Variants in RBFOX1 observed in about 807,000 individuals in gnomAD.
RBFOX1 encodes the protein RNA binding fox-1 homolog 1, also known as RNA binding protein fox-1 homolog 1.
A neutral mutation model predicts 57.7 loss-of-function variants in RBFOX1; 8 were observed. That is an observed-to-expected ratio of 0.14 (90% CI 0.08 to 0.25). The LOEUF (loss-of-function observed/expected upper bound fraction) is 0.25. RBFOX1 is among the 10% of genes least tolerant of loss of function. RBFOX1 has a pLI of 1.00. For synonymous variants in RBFOX1, 326 were observed against 222.4 expected, an observed-to-expected ratio of 1.47 and a Z score of -4.15; for missense variants, 611 against 548.5, an observed-to-expected ratio of 1.11 and a Z score of -1.14.
chr16:7,014,566 C>T (rs991464612), intron 3 of RBFOX1, among the ~76,000 whole-genome samples: 4 of 151,812 alleles, frequency 2.6e-5, no homozygotes, highest in African/African-American at 7.3e-5. Flanking sequence ...GACACTGCAC[C>T]CCGTCTTAAA....
At chr16:6,995,497 G>A (rs72776233) in intron 3 of RBFOX1, among the ~76,000 whole-genome samples, 3 of 152,198 alleles carry the variant, frequency 2.0e-5, no homozygotes, top group Admixed American at 6.5e-5. Context: ...GGGTGTGGTG[G>A]CTCACGCATG....
chr16:6,026,461 C>A (rs1313735714), intron 1 of RBFOX1, among the ~76,000 whole-genome samples: 2 of 152,222 alleles, frequency 1.3e-5, no homozygotes, highest in Non-Finnish European at 2.9e-5. Context: ...AGATTTTGAA[C>A]CTGACAGTCT....
At chr16:6,839,044 C>T (rs2093307927) in intron 3 of RBFOX1, among the ~76,000 whole-genome samples, 2 of 151,634 alleles carry the variant, frequency 1.3e-5, no homozygotes, top group Admixed American at 6.6e-5. Flanking sequence ...GAGTGCAGTG[C>T]TGTGATCTTG....
intron 4 of RBFOX1, among the ~76,000 whole-genome samples, chr16:6,003,553 C>A (rs978868671): frequency 3.3e-5 from 5 of 151,908 alleles, no homozygotes; most frequent in African/African-American, 1.2e-4. Flanking sequence ...ATTGCTCCAC[C>A]CCTGCGGTAC....
chr16:7,355,947 A>G (rs769714760), intron 4 of RBFOX1, among the ~76,000 whole-genome samples: 1 of 152,234 alleles, frequency 6.6e-6, no homozygotes, highest in Non-Finnish European at 1.5e-5. Flanking sequence ...GCCAAAAACC[A>G]TATTTTCTTT....
At chr16:5,458,486 A>G (rs1434331120) in intron 1 of RBFOX1, among the ~76,000 whole-genome samples, 1 of 152,232 alleles carries the variant, frequency 6.6e-6, no homozygotes, top group Non-Finnish European at 1.5e-5. Context: ...TACATGGATT[A>G]TCTCATTTAA....
chr16:7,131,045 A>G (rs916132284), intron 4 of RBFOX1, among the ~76,000 whole-genome samples: 22 of 152,310 alleles, frequency 1.4e-4, no homozygotes, highest in African/African-American at 5.1e-4. Context: ...CTTTTTAATC[A>G]TAAGAATCAT....
chr16:6,143,877 C>T (rs1171001204), intron 1 of RBFOX1, among the ~76,000 whole-genome samples: 1 of 151,710 alleles, frequency 6.6e-6, no homozygotes, highest in Non-Finnish European at 1.5e-5. Context: ...CTCACTGCAG[C>T]CTCAAACTCC....
intron 4 of RBFOX1, among the ~76,000 whole-genome samples, chr16:7,388,945 A>T (rs956474349): frequency 6.6e-6 from 1 of 152,156 alleles, no homozygotes; most frequent in African/African-American, 2.4e-5. Context: ...CAAGGAAAGC[A>T]TGTACGCAGA....
intron 2 of RBFOX1, among the ~76,000 whole-genome samples, chr16:6,621,436 C>T (rs1361976993): frequency 1.3e-5 from 2 of 152,144 alleles, no homozygotes; most frequent in African/African-American, 4.8e-5. Flanking sequence ...TGCGCTCCAG[C>T]CTGGGTGACA....
At chr16:5,776,331 T>C (rs969737606) in intron 3 of RBFOX1, among the ~76,000 whole-genome samples, 3 of 152,178 alleles carry the variant, frequency 2.0e-5, no homozygotes, top group African/African-American at 7.2e-5. Flanking sequence ...CCACTCTGTG[T>C]GTTCTTTTTT....
chr16:5,400,132 C>G (rs1293049577), intron 1 of RBFOX1, among the ~76,000 whole-genome samples: 1 of 151,600 alleles, frequency 6.6e-6, no homozygotes, highest in East Asian at 1.9e-4. Context: ...CAGAGTCTCG[C>G]TCTGTCACCC....
chr16:6,199,959 C>T (rs944567782), intron 1 of RBFOX1, among the ~76,000 whole-genome samples: 11 of 152,106 alleles, frequency 7.2e-5, no homozygotes, highest in Non-Finnish European at 1.0e-4. Context: ...GGATGTTCAC[C>T]GACAGCCAGC....
intron 4 of RBFOX1, among the ~76,000 whole-genome samples, chr16:5,935,315 C>A (rs899308811): frequency 6.6e-6 from 1 of 152,134 alleles, no homozygotes; most frequent in Admixed American, 6.5e-5. Context: ...CCACATGGGG[C>A]CACATGGGGA....
intron 1 of RBFOX1, among the ~76,000 whole-genome samples, chr16:5,416,916 T>G (rs1195147712): frequency 1.3e-5 from 2 of 152,128 alleles, no homozygotes; most frequent in African/African-American, 2.4e-5. Context: ...CTGCCCTCCT[T>G]CAGATGGAAA....
intron 3 of RBFOX1, among the ~76,000 whole-genome samples, chr16:6,789,305 A>G (rs927042683): frequency 6.6e-6 from 1 of 152,186 alleles, no homozygotes; most frequent in African/African-American, 2.4e-5. Flanking sequence ...ATTTATAGCC[A>G]GTGGTATAAG....
Position 7,052,182 on chromosome 16 carries a change from G to T in RBFOX1, c.27+84G>T, listed in dbSNP as rs995611575. 2.6e-5 allele frequency: 40 copies of T among 1,527,718 alleles called. 1 individual carries two copies. Among genetic ancestry groups the T allele is most frequent in the African/African-American group, 1.3e-4 (9 of 71,948 alleles). The allele number at this position is 1,527,718 out of a possible 1,614,324, so 94.6% of individuals were successfully genotyped here. On this transcript the variant is annotated intron_variant, in intron 4 of 15. Transcript: ENST00000550418. The stretch of plus-strand genomic sequence containing the variant: ...ATTTCCTTGTCTCTCCCAAGACACG[G>T]GTTCTAAATAACAGGCTTCATCTTA...
intron 1 of RBFOX1, among the ~76,000 whole-genome samples, chr16:6,091,532 A>C (rs2096173929): frequency 6.6e-6 from 1 of 151,676 alleles, no homozygotes; most frequent in Non-Finnish European, 1.5e-5. Flanking sequence ...AGGTATTCAA[A>C]AAAAACATTT....
chr16:7,671,391 C>T (rs1028127444), intron 13 of RBFOX1, among the ~76,000 whole-genome samples: 1 of 152,162 alleles, frequency 6.6e-6, no homozygotes, highest in African/African-American at 2.4e-5. Flanking sequence ...AAATGTTTGT[C>T]GATGCCCAGT....
Sources: allele counts gnomAD v4.1 joint callset (sites outside exome capture counted in the v4.1 genomes callset), GRCh38; gene constraint gnomAD v4.1.1; transcripts MANE v1.5; gene names NCBI Gene and HGNC (gene_info 2026-07-23, HGNC 2026-07-21).